ACADSB: variants seen among roughly 807,000 people sequenced by gnomAD.
ACADSB encodes the protein short/branched chain specific acyl-CoA dehydrogenase, mitochondrial.
A neutral mutation model predicts 54.1 loss-of-function variants in ACADSB; 40 were observed. The ratio of observed to expected loss-of-function variants is 0.74; its 90% CI spans 0.57 to 0.96. The LOEUF (loss-of-function observed/expected upper bound fraction) is 0.96. Among genes scored for constraint, ACADSB ranks in the 40% least tolerant of loss-of-function variants. The pLI is 0.00. For synonymous variants in ACADSB, 182 were observed against 182.8 expected (o/e 1.00, Z 0.03); for missense variants, 530 against 510.4 (o/e 1.04, Z -0.37).
intron 8 of ACADSB, among the ~76,000 whole-genome samples, chr10:123,048,641 A>C (rs1360067259): frequency 6.6e-6 from 1 of 152,194 alleles, no homozygotes; most frequent in East Asian, 1.9e-4. Context: ...AACAGGTATA[A>C]TCATAATGAC....
At chr10:123,040,909 A>G (rs1436703403) in intron 4 of ACADSB, among the ~76,000 whole-genome samples, 1 of 152,148 alleles carries the variant, frequency 6.6e-6, no homozygotes, top group Non-Finnish European at 1.5e-5. Flanking sequence ...TTTTGTCCTG[A>G]TTATATTTTC....
intron 1 of ACADSB, among the ~76,000 whole-genome samples, chr10:123,022,731 C>T (rs534746886): frequency 8.6e-5 from 13 of 152,032 alleles, no homozygotes; most frequent in African/African-American, 3.1e-4. Flanking sequence ...TAACCTAAAA[C>T]TTTAATGAAA....
intron 1 of ACADSB, among the ~76,000 whole-genome samples, chr10:123,020,998 G>A (rs1364957126): frequency 6.6e-6 from 1 of 152,112 alleles, no homozygotes; most frequent in African/African-American, 2.4e-5. Flanking sequence ...GCAAAACTCC[G>A]TCTCAATAAA....
At position 123,053,847 on chromosome 10, in the gene ACADSB, G is replaced by C. The variant is rs1442824188; in HGVS notation, c.*82G>C. On this transcript the variant is annotated 3_prime_UTR_variant, in exon 11 of 11. Transcript: ENST00000358776. ...GTGTCTTGTTGGGAGTAAGTGCCTTGCGTGGGAATAAACTTCCACAGCATT... is the reference window on the plus strand; with the variant it reads ...GTGTCTTGTTGGGAGTAAGTGCCTTCCGTGGGAATAAACTTCCACAGCATT... The C allele has an allele frequency of 2.4e-6, 3 of 1,242,900 alleles. No homozygotes were observed. The East Asian group carries it at 7.0e-5, about 29-fold the overall frequency. The allele number at this position is 1,242,900 out of a possible 1,614,324, so 77.0% of individuals were successfully genotyped here.
intron 4 of ACADSB, among the ~76,000 whole-genome samples, 159 bp downstream of exon 4, chr10:123,040,831 G>A (rs1850463507): frequency 6.6e-6 from 1 of 152,214 alleles, no homozygotes; most frequent in Admixed American, 6.5e-5. Flanking sequence ...TGCTGGAAAA[G>A]TACACTCTAC....
At chr10:123,046,029 A>G (rs1196414059) in intron 7 of ACADSB, among the ~76,000 whole-genome samples, 1 of 152,198 alleles carries the variant, frequency 6.6e-6, no homozygotes, top group Non-Finnish European at 1.5e-5. Flanking sequence ...AGAAAAGCCC[A>G]TTTTGATGGA....
rs1482591597 is a variant in ACADSB at position 123,053,937 on chromosome 10, G to C, written c.*172G>C. 1.5e-6 allele frequency: 1 copy of C among 669,266 alleles called. No homozygotes were observed. The highest frequency in any genetic ancestry group is 2.6e-6 in the Non-Finnish European group (1 of 381,650). 41.5% of individuals were successfully genotyped at this position (669,266 alleles called of 1,614,324 possible). The stretch of plus-strand genomic sequence containing the variant: ...TGGCCTTTTTGGTTTTCTCTTTTCA[G>C]GCTGTTTAACTTAGGCACAGGAGAT... On this transcript the variant is annotated 3_prime_UTR_variant, in exon 11 of 11. Coordinates refer to ENST00000358776, the MANE Select transcript of ACADSB (RefSeq NM_001609.4).
chr10:123,050,312 G>A (rs754140478), intron 8 of ACADSB, among the ~76,000 whole-genome samples: 1 of 152,198 alleles, frequency 6.6e-6, no homozygotes, highest in Non-Finnish European at 1.5e-5. Context: ...AAGGAACTCT[G>A]GCTGTAATGT....
At chr10:123,035,407 A>G (rs1047838594) in intron 2 of ACADSB, among the ~76,000 whole-genome samples, 1 of 152,226 alleles carries the variant, frequency 6.6e-6, no homozygotes, top group Non-Finnish European at 1.5e-5. Flanking sequence ...GGGTATAGAT[A>G]TAGGTGTAAA....
At chr10:123,010,424 G>A (rs1176013737) in intron 1 of ACADSB, among the ~76,000 whole-genome samples, 1 of 152,200 alleles carries the variant, frequency 6.6e-6, no homozygotes, top group Non-Finnish European at 1.5e-5. Flanking sequence ...GTTTATTGTG[G>A]CTTATAGTCC....
At chr10:123,028,770 A>G (rs1018390738) in intron 1 of ACADSB, among the ~76,000 whole-genome samples, 1 of 152,052 alleles carries the variant, frequency 6.6e-6, no homozygotes, top group Non-Finnish European at 1.5e-5. Flanking sequence ...ATGGCTTACA[A>G]TTGTAATCTC....
intron 1 of ACADSB, among the ~76,000 whole-genome samples, chr10:123,019,053 G>A (rs144169332): frequency 6.6e-6 from 1 of 152,230 alleles, no homozygotes; most frequent in African/African-American, 2.4e-5. Flanking sequence ...CTAATAAATT[G>A]TTGACACAAT....
chr10:123,023,147 A>G (rs1850205938), intron 1 of ACADSB, among the ~76,000 whole-genome samples: 1 of 152,240 alleles, frequency 6.6e-6, no homozygotes, highest in African/African-American at 2.4e-5. Flanking sequence ...TTGTCAAAAC[A>G]AACAAACAAA....
At chr10:123,019,412 G>A (rs1589732597) in intron 1 of ACADSB, among the ~76,000 whole-genome samples, 1 of 152,328 alleles carries the variant, frequency 6.6e-6, no homozygotes, top group East Asian at 1.9e-4. Context: ...AATAATTATA[G>A]TTGGCTACAA....
intron 9 of ACADSB, among the ~76,000 whole-genome samples, chr10:123,051,988 C>T (rs958349999): frequency 6.6e-6 from 1 of 152,154 alleles, no homozygotes; most frequent in Admixed American, 6.5e-5. Flanking sequence ...GTCTCCCTCT[C>T]CACTGCCACC....
rs916509384 is a variant in ACADSB, at chr10:123,054,526, C to T, written c.*761C>T. 3 of 151,926 alleles carry T rather than the reference C, an allele frequency of 2.0e-5. No individual in the cohort carries two copies. The highest frequency in any genetic ancestry group is 2.9e-5 in the Non-Finnish European group (2 of 67,994). 9.4% of individuals were successfully genotyped at this position (151,926 alleles called of 1,614,324 possible). On this transcript the variant is annotated 3_prime_UTR_variant, in exon 11 of 11. Transcript: ENST00000358776. Reference sequence around the variant, plus strand: ...TATAGATTCAACTCTAAGTTGCAAGCGAAGTCAAAACTGATGAAAATTTAT... The same window carrying T: ...TATAGATTCAACTCTAAGTTGCAAGTGAAGTCAAAACTGATGAAAATTTAT...
rs750855696 is a variant in ACADSB at position 123,052,254 on chromosome 10, C to T, written c.1129-807C>T. Among the ~76,000 whole-genome samples, 2 of 152,198 alleles carry T rather than the reference C, an allele frequency of 1.3e-5. No individual in the cohort carries two copies. The highest frequency in any genetic ancestry group is 2.9e-5 in the Non-Finnish European group (2 of 68,042). On this transcript the variant is annotated intron_variant, in intron 9 of 10. Coordinates refer to ENST00000358776, the MANE Select transcript of ACADSB (RefSeq NM_001609.4). This position sits in a 1 kb window ranked among gnomAD's most constrained non-coding sequence, Gnocchi z 4.2. The stretch of plus-strand genomic sequence containing the variant: ...GAGGTCAGAAATCTGAAATGGGTCT[C>T]ACTGGAATACAGGGGCTGCCTTTCT...
intron 1 of ACADSB, among the ~76,000 whole-genome samples, chr10:123,032,685 G>A (rs1163961956): frequency 6.6e-6 from 1 of 150,612 alleles, no homozygotes; most frequent in Admixed American, 6.7e-5. Context: ...CGCCTCCTGG[G>A]TTCAAGTGAT....
At chr10:123,032,974 G>A (rs957233720) in intron 1 of ACADSB, among the ~76,000 whole-genome samples, 3 of 151,970 alleles carry the variant, frequency 2.0e-5, no homozygotes, top group Non-Finnish European at 1.5e-5. Context: ...TGCTAGCAGC[G>A]TTCTTCCCCT....
Sources: allele counts gnomAD v4.1 joint callset (sites outside exome capture counted in the v4.1 genomes callset), GRCh38; gene constraint gnomAD v4.1.1; non-coding constraint Gnocchi (gnomAD v3.1); transcripts MANE v1.5; gene names NCBI Gene and HGNC (gene_info 2026-07-23, HGNC 2026-07-21).